AGAP1: variants seen among roughly 807,000 people sequenced by gnomAD.
AGAP1 encodes ArfGAP with GTPase domain, ankyrin repeat and PH domain 1, also known as arf-GAP with GTPase, ANK repeat and PH domain-containing protein 1.
A neutral mutation model predicts 105.3 loss-of-function variants in AGAP1; 29 were observed. The observed-to-expected ratio is 0.28, with a 90% confidence interval of 0.21 to 0.38. AGAP1 has a LOEUF of 0.38. AGAP1 is among the 10% of genes least tolerant of loss of function. AGAP1 has a pLI of 1.00. For synonymous variants in AGAP1, 509 were observed against 485.9 expected (o/e 1.05, Z -0.63); for missense variants, 998 against 1,165.1 (o/e 0.86, Z 2.09).
At chr2:235,838,178 T>C (rs1960387382) in intron 9 of AGAP1, among the ~76,000 whole-genome samples, 2 of 152,114 alleles carry the variant, frequency 1.3e-5, no homozygotes, top group Admixed American at 1.3e-4. Flanking sequence ...AGAGTGAGAC[T>C]GTGTCCCCCC....
chr2:236,041,569 C>A (rs2057550248), intron 15 of AGAP1, among the ~76,000 whole-genome samples: 1 of 152,148 alleles, frequency 6.6e-6, no homozygotes, highest in Non-Finnish European at 1.5e-5. Context: ...AGAGTAGGGA[C>A]TTATTTTCAT....
rs550741814 is a variant in AGAP1, at chr2:235,599,173, C to G, written c.163+104324C>G. Among the ~76,000 whole-genome samples the G allele has an allele frequency of 2.0e-5, 3 of 152,338 alleles. No homozygotes were observed. The highest frequency in any genetic ancestry group is 2.4e-5 in the African/African-American group (1 of 41,574). On this transcript the variant is annotated intron_variant, in intron 1 of 17. Coordinates refer to ENST00000304032, the MANE Select transcript of AGAP1 (RefSeq NM_001037131.3). The surrounding 1 kb of genome is among the most constrained non-coding windows in gnomAD (Gnocchi z 5.3). ...ACGCCAACAAAGAAATTTCTAGCTG[C>G]TTGTAGAAGACACCCCAGGGTACGC...
intron 1 of AGAP1, among the ~76,000 whole-genome samples, chr2:235,629,739 G>A (rs555027285): frequency 1.5e-4 from 22 of 151,140 alleles, no homozygotes; most frequent in African/African-American, 5.3e-4. Flanking sequence ...ATAGCTGGAC[G>A]TGGTGGCGTG....
chr2:235,637,576 T>A (rs999857810), intron 1 of AGAP1, among the ~76,000 whole-genome samples: 5 of 152,030 alleles, frequency 3.3e-5, no homozygotes, highest in Non-Finnish European at 7.4e-5. Flanking sequence ...GCCACCGTGC[T>A]CGGCCTTCAT....
Position 235,866,362 on chromosome 2 carries a change from T to C in AGAP1, c.1051-16983T>C, listed in dbSNP as rs1309620828. Among the ~76,000 whole-genome samples, 2 of 152,046 alleles carry C rather than the reference T, an allele frequency of 1.3e-5. No homozygotes were observed. Among genetic ancestry groups the C allele is most frequent in the African/African-American group, 2.4e-5 (1 of 41,386 alleles). Reference sequence around the variant, plus strand: ...AGACAATCCGTGTGTGTGATCGGGGTGTTCTGGACTTGAGGTACCTGGTAG... The same window carrying C: ...AGACAATCCGTGTGTGTGATCGGGGCGTTCTGGACTTGAGGTACCTGGTAG... On this transcript the variant is annotated intron_variant, in intron 9 of 17. Transcript: ENST00000304032. This position sits in a 1 kb window ranked among gnomAD's most constrained non-coding sequence, Gnocchi z 6.1.
intron 1 of AGAP1, among the ~76,000 whole-genome samples, chr2:235,686,644 TAGATATATATATATA>T (rs1949440924): frequency 2.3e-4 from 12 of 51,814 alleles, no homozygotes; most frequent in Admixed American, 1.5e-3. Context: ...TATATATATA[TAGATATATATATATA>T]TATATATTTT....
rs1267113442 is a variant in AGAP1 at position 236,062,356 on chromosome 2, G to T, written c.2114+13075G>T. Among the ~76,000 whole-genome samples the T allele has an allele frequency of 6.6e-6, 1 of 152,128 alleles. No individual in the cohort carries two copies. Among genetic ancestry groups the T allele is most frequent in the Non-Finnish European group, 1.5e-5 (1 of 68,012 alleles). On this transcript the variant is annotated intron_variant, in intron 16 of 17. Coordinates refer to ENST00000304032, the MANE Select transcript of AGAP1 (RefSeq NM_001037131.3). The surrounding 1 kb of genome is among the most constrained non-coding windows in gnomAD (Gnocchi z 4.2). ...CCACCCCAGATCTGACCTCCCTAGAGGAAGCCATGGCCAGAGGGGAGGGGA... is the reference window on the plus strand; with the variant it reads ...CCACCCCAGATCTGACCTCCCTAGATGAAGCCATGGCCAGAGGGGAGGGGA...
intron 16 of AGAP1, among the ~76,000 whole-genome samples, chr2:236,103,891 C>T (rs2059421046): frequency 6.6e-6 from 1 of 152,204 alleles, no homozygotes; most frequent in Non-Finnish European, 1.5e-5. Flanking sequence ...CTAGGCACCC[C>T]GCCATCCTGT....
At chr2:235,890,399 G>A (rs1460649498) in intron 10 of AGAP1, among the ~76,000 whole-genome samples, 3 of 152,074 alleles carry the variant, frequency 2.0e-5, no homozygotes, top group South Asian at 2.1e-4. Context: ...TGATCCACCC[G>A]CCTCAGCCTC....
chr2:235,858,335 T>C (rs2048771689), intron 9 of AGAP1, among the ~76,000 whole-genome samples: 2 of 152,216 alleles, frequency 1.3e-5, no homozygotes, highest in African/African-American at 2.4e-5. Flanking sequence ...GAGAAGTATA[T>C]TTATCAAACT....
In AGAP1 at chr2:235,799,855, G is replaced by A. The variant is rs1407586813; in HGVS notation, c.957+333G>A. On this transcript the variant is annotated intron_variant, in intron 8 of 17. Coordinates refer to ENST00000304032, the MANE Select transcript of AGAP1 (RefSeq NM_001037131.3). The surrounding 1 kb of genome is among the most constrained non-coding windows in gnomAD (Gnocchi z 5.0). ...TGACAAAACTCTAAGATTCCCAGAT[G>A]TGTGTCTCTAACCGTTCAGATGATA... Among the ~76,000 whole-genome samples the A allele has an allele frequency of 6.6e-6, 1 of 152,098 alleles. No homozygotes were observed. The highest frequency in any genetic ancestry group is 2.1e-4 in the South Asian group (1 of 4,824).
At chr2:235,570,511 T>C (rs527981514) in intron 1 of AGAP1, among the ~76,000 whole-genome samples, 10 of 152,358 alleles carry the variant, frequency 6.6e-5, no homozygotes, top group African/African-American at 1.9e-4. Flanking sequence ...GCACATTCCA[T>C]GTAAAGGCAG....
At chr2:235,743,353 A>G (rs768867348) in intron 4 of AGAP1, among the ~76,000 whole-genome samples, 1 of 152,252 alleles carries the variant, frequency 6.6e-6, no homozygotes, top group Admixed American at 6.5e-5. Context: ...CGGCTCGGGA[A>G]CTGAGGTCTG....
At chr2:235,811,808 C>G (rs1958155984) in intron 9 of AGAP1, among the ~76,000 whole-genome samples, 1 of 152,224 alleles carries the variant, frequency 6.6e-6, no homozygotes, top group South Asian at 2.1e-4. Context: ...GCTAGCAGGA[C>G]TCACAGAGAG....
Position 235,596,762 on chromosome 2 carries a change from T to C in AGAP1, c.163+101913T>C, listed in dbSNP as rs564093933. ...GTCCTAGTGATGAGAAAAGCAATGATGTTTCCCAAGGCCGGGGCTGTCGAC... is the reference window on the plus strand; with the variant it reads ...GTCCTAGTGATGAGAAAAGCAATGACGTTTCCCAAGGCCGGGGCTGTCGAC... On this transcript the variant is annotated intron_variant, in intron 1 of 17. Coordinates refer to ENST00000304032, the MANE Select transcript of AGAP1 (RefSeq NM_001037131.3). The surrounding 1 kb of genome is among the most constrained non-coding windows in gnomAD (Gnocchi z 5.9). Among the ~76,000 whole-genome samples the C allele has an allele frequency of 1.3e-5, 2 of 152,360 alleles. No homozygotes were observed. The highest frequency in any genetic ancestry group is 4.1e-4 in the South Asian group (2 of 4,834).
intron 9 of AGAP1, among the ~76,000 whole-genome samples, chr2:235,834,145 G>A (rs940663144): frequency 6.6e-6 from 1 of 152,154 alleles, no homozygotes; most frequent in Admixed American, 6.5e-5. Flanking sequence ...TTAGTTCTCA[G>A]CGTGATCACC....
At chr2:235,763,073 C>CTGT (rs1411019322) in intron 6 of AGAP1, among the ~76,000 whole-genome samples, 172 of 148,870 alleles carry the variant, frequency 1.2e-3, no homozygotes, top group African/African-American at 3.2e-3. Context: ...CGCGCGCACA[C>CTGT]GTGCACCTGC....
chr2:235,988,459 C>T lies in AGAP1; in HGVS notation c.1645+19836C>T, dbSNP rs1483451953. Among the ~76,000 whole-genome samples the T allele has an allele frequency of 3.9e-5, 6 of 152,182 alleles. No homozygotes were observed. Among genetic ancestry groups the T allele is most frequent in the Admixed American group, 1.3e-4 (2 of 15,280 alleles). ...ATTTCTTGTCCTTAAATGCCACCCCCAACCCCCGCCCCGAAGTCAGGAAGT... is the reference window on the plus strand; with the variant it reads ...ATTTCTTGTCCTTAAATGCCACCCCTAACCCCCGCCCCGAAGTCAGGAAGT... On this transcript the variant is annotated intron_variant, in intron 13 of 17. Coordinates refer to ENST00000304032, the MANE Select transcript of AGAP1 (RefSeq NM_001037131.3). This position sits in a 1 kb window ranked among gnomAD's most constrained non-coding sequence, Gnocchi z 4.7.
chr2:235,661,076 G>A (rs1197323797), intron 1 of AGAP1, among the ~76,000 whole-genome samples: 1 of 152,166 alleles, frequency 6.6e-6, no homozygotes, highest in Non-Finnish European at 1.5e-5. Flanking sequence ...CAGGAGTAAG[G>A]ATGGTTTACT....
Sources: gnomAD v4.1 joint callset for allele counts (sites outside exome capture counted in the v4.1 genomes callset) on GRCh38, gnomAD v4.1.1 for gene constraint, Gnocchi (gnomAD v3.1) non-coding constraint, MANE v1.5 for transcripts, NCBI Gene and HGNC (gene_info 2026-07-23, HGNC 2026-07-21) for gene names.